Variants in PDK1 observed in about 807,000 individuals in gnomAD.
PDK1 encodes the protein [Pyruvate dehydrogenase (acetyl-transferring)] kinase isozyme 1, mitochondrial.
A neutral mutation model predicts 54.2 loss-of-function variants in PDK1; 39 were observed. The ratio of observed to expected loss-of-function variants is 0.72; its 90% CI spans 0.56 to 0.94. The LOEUF (loss-of-function observed/expected upper bound fraction) is 0.94. Among genes scored for constraint, PDK1 ranks in the 40% least tolerant of loss-of-function variants. The pLI, the probability that PDK1 is intolerant of heterozygous loss-of-function variation, is 0.00. For synonymous variants in PDK1, 221 were observed against 207.1 expected (o/e 1.07, Z -0.58); for missense variants, 552 against 566.0 (o/e 0.98, Z 0.25).
At chr2:172,653,592 A>G in the PDK1 span, among the ~76,000 whole-genome samples, 1 of 143,634 alleles carries the variant, frequency 7.0e-6, no homozygotes, top group East Asian at 2.3e-4. Context: ...GACAAGAGCG[A>G]GACTCCATCT....
At chr2:172,580,152 G>A (rs1006424379) in intron 8 of PDK1, among the ~76,000 whole-genome samples, 1 of 149,156 alleles carries the variant, frequency 6.7e-6, no homozygotes, top group Admixed American at 6.7e-5. Flanking sequence ...TTTCTCTCTC[G>A]TTTGTTCATT....
chr2:172,635,380 A>C, the PDK1 span, among the ~76,000 whole-genome samples: 3 of 152,118 alleles, frequency 2.0e-5, no homozygotes, highest in African/African-American at 7.2e-5. Context: ...CAATGGTGCG[A>C]TCTTGGCTCA....
the PDK1 span, among the ~76,000 whole-genome samples, chr2:172,642,508 C>T: frequency 7.7e-3 from 1,167 of 152,290 alleles, 17 homozygotes; most frequent in African/African-American, 0.027. Flanking sequence ...GGATCTGGGA[C>T]CCCACCCCAG....
chr2:172,698,531 G>A, the PDK1 span, among the ~76,000 whole-genome samples: 7 of 152,314 alleles, frequency 4.6e-5, no homozygotes, highest in Non-Finnish European at 1.0e-4. Context: ...GAAAATTCCT[G>A]TTATATTCTT....
rs1045295613 is a variant in PDK1, at chr2:172,599,696, G to A, written c.*3727G>A. On this transcript the variant is annotated 3_prime_UTR_variant, in exon 11 of 11. Transcript: ENST00000282077. ...GCATTCATAAACTACTGTACCTTCT[G>A]TTCTATTGACATGTTTGGAAAAAAG... 3 of 152,094 alleles carry A rather than the reference G, an allele frequency of 2.0e-5. No homozygotes were observed. Among genetic ancestry groups the A allele is most frequent in the African/African-American group, 7.2e-5 (3 of 41,420 alleles). 9.4% of individuals were successfully genotyped at this position (152,094 alleles called of 1,614,324 possible).
chr2:172,602,679 T>C lies in PDK1; in HGVS notation c.*6710T>C. 1 of 152,220 alleles carries C rather than the reference T, an allele frequency of 6.6e-6. No individual in the cohort carries two copies. The highest frequency in any genetic ancestry group is 1.9e-4 in the East Asian group (1 of 5,194). 9.4% of individuals were successfully genotyped at this position (152,220 alleles called of 1,614,324 possible). A position where few individuals can be genotyped will look rare whatever the true frequency, so the allele number is the denominator to read the frequency against. On this transcript the variant is annotated 3_prime_UTR_variant, in exon 11 of 11. Coordinates refer to ENST00000282077, the MANE Select transcript of PDK1 (RefSeq NM_002610.5). Reference sequence around the variant, plus strand: ...TCTCCTTTCTAACTCTGACCTAATATTTTGGAGCATAGAGGAAAGAAACAT... The same window carrying C: ...TCTCCTTTCTAACTCTGACCTAATACTTTGGAGCATAGAGGAAAGAAACAT...
rs1691298709 is a variant in PDK1 at position 172,606,487 on chromosome 2, G to C, written c.*10518G>C. 1.3e-5 allele frequency: 2 copies of C among 152,164 alleles called. No homozygotes were observed. The highest frequency in any genetic ancestry group is 1.3e-4 in the Admixed American group (2 of 15,284). 9.4% of individuals were successfully genotyped at this position (152,164 alleles called of 1,614,324 possible). A position where few individuals can be genotyped will look rare whatever the true frequency, so the allele number is the denominator to read the frequency against. The stretch of plus-strand genomic sequence containing the variant: ...TGCTAGGAGGCAGACAGTAACTTCG[G>C]TAATTAGAAACATCTGCACTCAGCA... On this transcript the variant is annotated 3_prime_UTR_variant, in exon 11 of 11. Coordinates refer to ENST00000282077, the MANE Select transcript of PDK1 (RefSeq NM_002610.5).
chr2:172,693,142 T>C, the PDK1 span, among the ~76,000 whole-genome samples: 1 of 152,234 alleles, frequency 6.6e-6, no homozygotes, highest in Non-Finnish European at 1.5e-5. Context: ...TCTCACCTCC[T>C]GTGCCCGTGG....
intron 9 of PDK1, among the ~76,000 whole-genome samples, chr2:172,590,416 T>C (rs1037654023): frequency 6.6e-6 from 1 of 152,142 alleles, no homozygotes; most frequent in African/African-American, 2.4e-5. Context: ...TGTTTAGATG[T>C]GTCCAGAGTT....
the PDK1 span, among the ~76,000 whole-genome samples, chr2:172,630,693 G>A: frequency 6.6e-5 from 10 of 150,960 alleles, no homozygotes; most frequent in African/African-American, 9.8e-5. Context: ...ACAGTGGTGC[G>A]ATCTCGGTTC....
Position 172,564,700 on chromosome 2 carries a change from C to CA in PDK1, c.595+14dup, listed in dbSNP as rs1262342952. 6.2e-7 allele frequency: 1 copy of CA among 1,601,346 alleles called. No homozygotes were observed. The highest frequency in any genetic ancestry group is 2.2e-5 in the East Asian group (1 of 44,778). ...CTCAATCAGCACTGTAAGTGTCCCT[C>CA]ATGAGTCAAGAGAAGAAGCTAAATG... On this transcript the variant is annotated intron_variant, in intron 4 of 10. Coordinates refer to ENST00000282077, the MANE Select transcript of PDK1 (RefSeq NM_002610.5).
At chr2:172,573,481 T>C (rs1475173991) in intron 8 of PDK1, among the ~76,000 whole-genome samples, 1 of 151,604 alleles carries the variant, frequency 6.6e-6, no homozygotes, top group Non-Finnish European at 1.5e-5. Context: ...TATGTGTATA[T>C]ATATATAGGG....
intron 8 of PDK1, among the ~76,000 whole-genome samples, chr2:172,579,412 AGTT>A (rs1195413421): frequency 1.1e-4 from 16 of 152,046 alleles, no homozygotes; most frequent in African/African-American, 3.6e-4. Flanking sequence ...ATACGGATTC[AGTT>A]GTTTTACTTG....
In PDK1 at chr2:172,584,740, G is replaced by A. The variant is rs569650571; in HGVS notation, c.946-1538G>A. Among the ~76,000 whole-genome samples, 8 of 145,528 alleles carry A rather than the reference G, an allele frequency of 5.5e-5. No homozygotes were observed. The South Asian group carries it at 1.5e-3, about 28-fold the overall frequency. ...TGAGATCATAGCTCACTACAGCCTC[G>A]AACTCCTGGGCTGAAGTGATCCTCC... is the stretch of plus-strand genomic sequence containing the variant. On this transcript the variant is annotated intron_variant, in intron 8 of 10. Coordinates refer to ENST00000282077, the MANE Select transcript of PDK1 (RefSeq NM_002610.5).
rs538241255 is a variant in PDK1, at chr2:172,585,316, ATTTTTTT to A, written c.946-941_946-935del. Among the ~76,000 whole-genome samples, 39 of 103,302 alleles carry A rather than the reference ATTTTTTT, an allele frequency of 3.8e-4. 1 individual carries two copies. Among genetic ancestry groups the A allele is most frequent in the South Asian group, 2.9e-3 (10 of 3,436 alleles). The allele number at this position is 103,302 out of a possible 152,430, so 67.8% of individuals were successfully genotyped here. On this transcript the variant is annotated intron_variant, in intron 8 of 10. Transcript: ENST00000282077. ...GCCCAGCCTAGTACATGCATTTTTA[ATTTTTTT>A]TTTTTTTTTTTTTTTTTTTTGAGAA...
In PDK1 at chr2:172,565,011, C is replaced by T. The variant is rs75108969; in HGVS notation, c.629C>T (p.Pro210Leu). Residue 210 changes from proline to leucine, a missense_variant, in exon 5 of 11, where the codon CCA becomes CTA. Pro to Leu is a moderately conservative substitution (Grantham distance 98, BLOSUM62 -3). Transcript: ENST00000282077. ...TTTGGTGGAAAAGGCAAAGGAAGTC[C>T]ATCTCATCGAAAACACATTGGAAGC... ...LLFGGKGKGS[P>L]SHRKHIGSIN... 1 of 1,612,886 alleles carries T rather than the reference C, an allele frequency of 6.2e-7. No individual in the cohort carries two copies. The highest frequency in any genetic ancestry group is 2.2e-5 in the East Asian group (1 of 44,770).
At chr2:172,583,315 T>C (rs1048671379) in intron 8 of PDK1, among the ~76,000 whole-genome samples, 3 of 129,602 alleles carry the variant, frequency 2.3e-5, no homozygotes, top group African/African-American at 8.6e-5. Flanking sequence ...TTTTTTTTAC[T>C]GAGCAGAGTC....
rs1691332028 is a variant in PDK1, at chr2:172,607,400, C to T, written c.*11431C>T. The T allele has an allele frequency of 6.6e-6, 1 of 152,194 alleles. No individual in the cohort carries two copies. Among genetic ancestry groups the T allele is most frequent in the African/African-American group, 2.4e-5 (1 of 41,442 alleles). The allele number at this position is 152,194 out of a possible 1,614,324, so 9.4% of individuals were successfully genotyped here. On this transcript the variant is annotated 3_prime_UTR_variant, in exon 11 of 11. Coordinates refer to ENST00000282077, the MANE Select transcript of PDK1 (RefSeq NM_002610.5). The stretch of plus-strand genomic sequence containing the variant: ...TATACAGTTCTTTCTAAAACTCCTT[C>T]TGTTCTCTAAGATGTAGTTTGAACC...
chr2:172,668,904 T>G, the PDK1 span, among the ~76,000 whole-genome samples: 499 of 69,818 alleles, frequency 7.1e-3, 2 homozygotes, highest in African/African-American at 0.024. Context: ...CATATATATA[T>G]ATAGAGAGAG....
Sources: allele counts gnomAD v4.1 joint callset (sites outside exome capture counted in the v4.1 genomes callset), GRCh38; gene constraint gnomAD v4.1.1; transcripts MANE v1.5; gene names NCBI Gene and HGNC (gene_info 2026-07-23, HGNC 2026-07-21).